The following TP53AIP1 variants were observed in gnomAD, a reference collection of about 807,000 sequenced individuals.
The protein encoded by TP53AIP1 is p53-regulated apoptosis-inducing protein 1.
Under a neutral mutation model 9.5 loss-of-function variants are expected in TP53AIP1, and 14 were observed. The ratio of observed to expected loss-of-function variants is 1.47; its 90% CI spans 0.97 to 2.30. The LOEUF (loss-of-function observed/expected upper bound fraction) is 2.30. Ranked by LOEUF, TP53AIP1 falls within the 30% of genes most tolerant of loss-of-function variation. The probability of loss-of-function intolerance (pLI) is 0.00; values close to 1 mark genes in which losing one functional copy is unlikely to be tolerated. For synonymous variants in TP53AIP1, 73 were observed against 61.2 expected (o/e 1.19, Z -0.90); for missense variants, 153 against 146.7 (o/e 1.04, Z -0.22).
rs78816538 is a variant in TP53AIP1, at chr11:128,935,500, C to T, written c.*91G>A. ...GCTAGTCAGCGCTGGAGCCATTTCT[C>T]GACGGTGCTTTCTGTTTGTTTGTTT... is the stretch of plus-strand genomic sequence containing the variant. On this transcript the variant is annotated 3_prime_UTR_variant, in exon 4 of 4. Transcript: ENST00000531399. 7,822 of 1,487,750 alleles carry T rather than the reference C, an allele frequency of 5.3e-3. 23 individuals carry two copies. The highest frequency in any genetic ancestry group is 6.0e-3 in the Non-Finnish European group (6,777 of 1,124,470). 92.2% of individuals were successfully genotyped at this position (1,487,750 alleles called of 1,614,324 possible). A position where few individuals can be genotyped will look rare whatever the true frequency, so the allele number is the denominator to read the frequency against.
rs1334791152 is a variant in TP53AIP1 at position 128,939,203 on chromosome 11, C to T, written c.-76-1309G>A. On this transcript the variant is annotated intron_variant, in intron 1 of 3. Transcript: ENST00000531399. This position sits in a 1 kb window ranked among gnomAD's most constrained non-coding sequence, Gnocchi z 4.1. ...GCCCAAAGGTCACGTTCTTTCCCTG[C>T]GGCTCCCTTCCCCATCTGGTTCTGG... Among the ~76,000 whole-genome samples the T allele has an allele frequency of 6.6e-6, 1 of 152,188 alleles. No individual in the cohort carries two copies. The highest frequency in any genetic ancestry group is 1.5e-5 in the Non-Finnish European group (1 of 68,038).
intron 1 of TP53AIP1, among the ~76,000 whole-genome samples, chr11:128,941,184 C>T (rs1591467920): frequency 6.6e-6 from 1 of 152,216 alleles, no homozygotes; most frequent in Non-Finnish European, 1.5e-5. Flanking sequence ...TCAGCATCCA[C>T]TTTCCCTCTG....
downstream of TP53AIP1, chr11:128,935,190 T>G: frequency 8.7e-7 from 1 of 1,145,538 alleles, no homozygotes; most frequent in South Asian, 1.4e-5. Flanking sequence ...CTGCTATAGA[T>G]GATCAAACCC....
intron 1 of TP53AIP1, among the ~76,000 whole-genome samples, chr11:128,941,989 C>A (rs117898542): frequency 6.6e-6 from 1 of 152,276 alleles, no homozygotes; most frequent in East Asian, 1.9e-4. Context: ...GCAGTCACAG[C>A]CCTTCCTACA....
chr11:128,937,915 C>G lies in TP53AIP1; in HGVS notation c.-76-21G>C, dbSNP rs1427900320. ...AGGGACTAAAAACAAACAAAACAGGCTATGAACAGAAGCAGTGGTGGCAGC... is the reference window on the plus strand; with the variant it reads ...AGGGACTAAAAACAAACAAAACAGGGTATGAACAGAAGCAGTGGTGGCAGC... On this transcript the variant is annotated intron_variant, in intron 1 of 3. Coordinates refer to ENST00000531399, the MANE Select transcript of TP53AIP1 (RefSeq NM_022112.3). This position sits in a 1 kb window ranked among gnomAD's most constrained non-coding sequence, Gnocchi z 4.8. 1 of 1,319,032 alleles carries G rather than the reference C, an allele frequency of 7.6e-7. No homozygotes were observed. Among genetic ancestry groups the G allele is most frequent in the Non-Finnish European group, 1.0e-6 (1 of 975,010 alleles). The allele number at this position is 1,319,032 out of a possible 1,614,324, so 81.7% of individuals were successfully genotyped here. A position where few individuals can be genotyped will look rare whatever the true frequency, so the allele number is the denominator to read the frequency against.
intron 1 of TP53AIP1, among the ~76,000 whole-genome samples, chr11:128,938,507 C>G (rs1944878810): frequency 1.3e-5 from 2 of 152,202 alleles, no homozygotes; most frequent in African/African-American, 2.4e-5. Context: ...TCCCTCAACC[C>G]AGGGAAGCTG....
chr11:128,935,313 T>A, downstream of TP53AIP1: 1 of 1,419,218 alleles, frequency 7.0e-7, no homozygotes, highest in Non-Finnish European at 9.2e-7. Flanking sequence ...TGGAGATGCA[T>A]CGTTTTTAGT....
At position 128,935,557 on chromosome 11, in the gene TP53AIP1, C is replaced by T. The variant is rs547489136; in HGVS notation, c.*34G>A. On this transcript the variant is annotated 3_prime_UTR_variant, in exon 4 of 4. Transcript: ENST00000531399. ...GTTTTGAGATGGAGTCTCTCTCTGTCGCCCAGGCTGGAGTGCAGTGGCGTG... is the reference window on the plus strand; with the variant it reads ...GTTTTGAGATGGAGTCTCTCTCTGTTGCCCAGGCTGGAGTGCAGTGGCGTG... 2.0e-4 allele frequency: 301 copies of T among 1,532,984 alleles called. 1 individual carries two copies. In the African/African-American group the frequency reaches 3.3e-3, roughly 17 times the overall value. 95.0% of individuals were successfully genotyped at this position (1,532,984 alleles called of 1,614,324 possible).
intron 2 of TP53AIP1, chr11:128,936,918 C>T: frequency 8.2e-7 from 1 of 1,221,562 alleles, no homozygotes; most frequent in Non-Finnish European, 1.0e-6. Context: ...CCGGCGCTTC[C>T]TCCCTCCCAT....
intron 3 of TP53AIP1, 111 bp downstream of exon 3, chr11:128,936,427 G>A: frequency 7.1e-7 from 1 of 1,416,518 alleles, no homozygotes; most frequent in African/African-American, 1.4e-5. Flanking sequence ...TTCAGGAGAG[G>A]GTCAAACTCA....
At position 128,939,004 on chromosome 11, in the gene TP53AIP1, T is replaced by A. The variant is rs574768694; in HGVS notation, c.-76-1110A>T. On this transcript the variant is annotated intron_variant, in intron 1 of 3. Transcript: ENST00000531399. This position sits in a 1 kb window ranked among gnomAD's most constrained non-coding sequence, Gnocchi z 4.1. ...GGACCAGTTTGGTACATGCTGGCCA[T>A]GTGCGGTGACCACGCTAAGTACTGT... is the stretch of plus-strand genomic sequence containing the variant. Among the ~76,000 whole-genome samples, 2 of 152,292 alleles carry A rather than the reference T, an allele frequency of 1.3e-5. No individual in the cohort carries two copies. The highest frequency in any genetic ancestry group is 4.8e-5 in the African/African-American group (2 of 41,546).
In TP53AIP1 at chr11:128,936,165, G is replaced by A. The variant is rs146710840; in HGVS notation, c.253+373C>T. The A allele has an allele frequency of 8.6e-4, 890 of 1,038,930 alleles. 6 individuals are homozygous for A. Among genetic ancestry groups the A allele is most frequent in the Middle Eastern group, 2.3e-3 (5 of 2,148 alleles). 64.4% of individuals were successfully genotyped at this position (1,038,930 alleles called of 1,614,324 possible). A position where few individuals can be genotyped will look rare whatever the true frequency, so the allele number is the denominator to read the frequency against. ...GAGTCAGGATTTGAACCCAGACCCC[G>A]CAGCCTGGCTCCATGCTCTCAACAG... On this transcript the variant is annotated intron_variant, in intron 3 of 3. Transcript: ENST00000531399.
At position 128,937,572 on chromosome 11, in the gene TP53AIP1, C is replaced by G. The variant is rs1364768439; in HGVS notation, c.141+106G>C. 3.1e-6 allele frequency: 5 copies of G among 1,614,006 alleles called. No homozygotes were observed. The highest frequency in any genetic ancestry group is 1.7e-5 in the Admixed American group (1 of 60,002). Reference sequence around the variant, plus strand: ...GAGGACCCAGATGCTGTCACTGGGTCCTGGTGAGTCTGAAAACTTGGGATG... The same window carrying G: ...GAGGACCCAGATGCTGTCACTGGGTGCTGGTGAGTCTGAAAACTTGGGATG... On this transcript the variant is annotated intron_variant, in intron 2 of 3. Transcript: ENST00000531399. This position sits in a 1 kb window ranked among gnomAD's most constrained non-coding sequence, Gnocchi z 4.8.
At chr11:128,935,023 G>T, downstream of TP53AIP1, 1 of 703,136 alleles carries the variant, frequency 1.4e-6, no homozygotes, top group Non-Finnish European at 2.6e-6. Context: ...TCTGCACACA[G>T]GCCAGGCAAG....
Position 128,937,695 on chromosome 11 carries a change from TCTGAGCC to T in TP53AIP1, c.117_123del (p.Ala40HisfsTer11). On this transcript the variant is annotated frameshift_variant, in exon 2 of 4. Coordinates refer to ENST00000531399, the MANE Select transcript of TP53AIP1 (RefSeq NM_022112.3). LOFTEE classifies it high-confidence loss of function. This position sits in a 1 kb window ranked among gnomAD's most constrained non-coding sequence, Gnocchi z 4.8. ...GGACTTACCCAGCCAGGTGTGTGTG[TCTGAGCC>T]CTGCCATTCGGAGGCATCACCGAGA... 6.2e-7 allele frequency: 1 copy of T among 1,614,144 alleles called. No individual in the cohort carries two copies. The highest frequency in any genetic ancestry group is 1.6e-4 in the Middle Eastern group (1 of 6,062).
In TP53AIP1 at chr11:128,935,605, A is replaced by G. The variant is rs752310361; in HGVS notation, c.361T>C (p.Leu121=). Residue 121 remains leucine (L), a synonymous_variant, in exon 4 of 4, where the codon TTG becomes CTG. Transcript: ENST00000531399. ...ELSYDQKKAP[L]RLQ The stretch of plus-strand genomic sequence containing the variant: ...GTGATCTCGGCTCACTGCAACCTCA[A>G]CGGTGCTTTTTTCTGATCATAGCTG... 51 of 1,575,514 alleles carry G rather than the reference A, an allele frequency of 3.2e-5. No individual in the cohort carries two copies. Among genetic ancestry groups the G allele is most frequent in the African/African-American group, 2.7e-4 (20 of 74,506 alleles).
At position 128,935,481 on chromosome 11, in the gene TP53AIP1, C is replaced by CA; in HGVS notation, c.*109dup. 1 of 1,453,920 alleles carries CA rather than the reference C, an allele frequency of 6.9e-7. No homozygotes were observed. The highest frequency in any genetic ancestry group is 1.5e-5 in the South Asian group (1 of 67,210). The allele number at this position is 1,453,920 out of a possible 1,614,324, so 90.1% of individuals were successfully genotyped here. A position where few individuals can be genotyped will look rare whatever the true frequency, so the allele number is the denominator to read the frequency against. ...GGGGGGAAATGAGGTGGCCGCTAGT[C>CA]AGCGCTGGAGCCATTTCTCGACGGT... On this transcript the variant is annotated 3_prime_UTR_variant, in exon 4 of 4. Coordinates refer to ENST00000531399, the MANE Select transcript of TP53AIP1 (RefSeq NM_022112.3).
chr11:128,936,638 G>T lies in TP53AIP1; in HGVS notation c.153C>A (p.Pro51=). 1.9e-6 allele frequency: 3 copies of T among 1,584,088 alleles called. No homozygotes were observed. Among genetic ancestry groups the T allele is most frequent in the Non-Finnish European group, 2.6e-6 (3 of 1,173,102 alleles). ...CGTGAACTTGGGCACCCAAAACTAA[G>T]GGATCTGAAACCTGAGAGGAAATGG... is the stretch of plus-strand genomic sequence containing the variant. ...QTHTPGWVSD[P]LVLGAQVHGG... Residue 51 remains proline (P), a synonymous_variant, in exon 3 of 4, where the codon CCC becomes CCA. Transcript: ENST00000531399.
At position 128,939,910 on chromosome 11, in the gene TP53AIP1, T is replaced by G. The variant is rs950311046; in HGVS notation, c.-76-2016A>C. On this transcript the variant is annotated intron_variant, in intron 1 of 3. Coordinates refer to ENST00000531399, the MANE Select transcript of TP53AIP1 (RefSeq NM_022112.3). The surrounding 1 kb of genome is among the most constrained non-coding windows in gnomAD (Gnocchi z 4.1). ...AGTGAAGCGTTAACACGAAGGAGGG[T>G]CCCAGCGGAGTTCATGCCGGGACTC... Among the ~76,000 whole-genome samples, 1 of 151,978 alleles carries G rather than the reference T, an allele frequency of 6.6e-6. No homozygotes were observed. The highest frequency in any genetic ancestry group is 6.6e-5 in the Admixed American group (1 of 15,258).
Sources: gnomAD v4.1 joint callset for allele counts (sites outside exome capture counted in the v4.1 genomes callset) on GRCh38, gnomAD v4.1.1 for gene constraint, Gnocchi (gnomAD v3.1) non-coding constraint, MANE v1.5 for transcripts, NCBI Gene and HGNC (gene_info 2026-07-23, HGNC 2026-07-21) for gene names.